Variants in PDE1A observed in about 807,000 individuals in gnomAD.
The protein encoded by PDE1A is dual specificity calcium/calmodulin-dependent 3',5'-cyclic nucleotide phosphodiesterase 1A.
In PDE1A, 35 loss-of-function variants were observed where a neutral mutation model predicts 61.7. That is an observed-to-expected ratio of 0.57 (90% CI 0.43 to 0.75). PDE1A has a LOEUF of 0.75. Among genes scored for constraint, PDE1A ranks in the 30% least tolerant of loss-of-function variants. The pLI, the probability that PDE1A is intolerant of heterozygous loss-of-function variation, is 0.00. For synonymous variants in PDE1A, 232 were observed against 213.2 expected, an observed-to-expected ratio of 1.09 and a Z score of -0.77; for missense variants, 597 against 630.6, an observed-to-expected ratio of 0.95 and a Z score of 0.57.
the PDE1A span, among the ~76,000 whole-genome samples, chr2:182,623,974 A>G: frequency 5.3e-5 from 8 of 152,038 alleles, no homozygotes; most frequent in East Asian, 1.4e-3. Flanking sequence ...AAATACAAAA[A>G]ATTAGCCGGG....
chr2:182,390,858 C>T (rs1224121650), intron 1 of PDE1A, among the ~76,000 whole-genome samples: 2 of 152,200 alleles, frequency 1.3e-5, no homozygotes, highest in Non-Finnish European at 2.9e-5. Context: ...GCCTTCTCAC[C>T]TTTCTCTGAG....
chr2:182,348,817 A>G (rs929306559), intron 1 of PDE1A, among the ~76,000 whole-genome samples: 2 of 151,668 alleles, frequency 1.3e-5, no homozygotes, highest in African/African-American at 4.8e-5. Flanking sequence ...CTTATTCTAA[A>G]TTTTTAGTTC....
intron 1 of PDE1A, among the ~76,000 whole-genome samples, chr2:182,286,187 A>G (rs571054680): frequency 6.6e-6 from 1 of 152,232 alleles, no homozygotes; most frequent in African/African-American, 2.4e-5. Context: ...CGAGAGCTCA[A>G]AATCAACAGG....
the PDE1A span, among the ~76,000 whole-genome samples, chr2:182,588,666 G>T: frequency 6.6e-6 from 1 of 152,116 alleles, no homozygotes; most frequent in Non-Finnish European, 1.5e-5. Flanking sequence ...ATTAAAGAAG[G>T]TTAGAACTGA....
In PDE1A at chr2:182,205,864, T is replaced by C. The variant is rs954570718; in HGVS notation, c.902+76A>G. The C allele has an allele frequency of 6.0e-4, 810 of 1,354,440 alleles. 16 individuals carry two copies. The highest frequency in any genetic ancestry group is 1.2e-4 in the Non-Finnish European group (114 of 979,446). 83.9% of individuals were successfully genotyped at this position (1,354,440 alleles called of 1,614,324 possible). ...TTGGGGAATGCATCGACTTTCATCT[T>C]TTTTCTTGACTTTAAATCGCATAAT... On this transcript the variant is annotated intron_variant, in intron 8 of 13. Coordinates refer to ENST00000351439, the Ensembl canonical transcript of PDE1A.
intron 2 of PDE1A, among the ~76,000 whole-genome samples, chr2:182,516,633 T>C (rs1690167146): frequency 7.0e-6 from 1 of 141,888 alleles, no homozygotes; most frequent in Admixed American, 7.4e-5. Flanking sequence ...AGTGAGATCC[T>C]ATCTGAAAAA....
chr2:182,324,217 C>T (rs1192760249), intron 1 of PDE1A, among the ~76,000 whole-genome samples: 3 of 151,918 alleles, frequency 2.0e-5, no homozygotes, highest in Non-Finnish European at 4.4e-5. Flanking sequence ...GGGGATAATA[C>T]TAACGGTTCT....
chr2:182,712,754 C>T, the PDE1A span, among the ~76,000 whole-genome samples: 5 of 152,032 alleles, frequency 3.3e-5, no homozygotes, highest in African/African-American at 1.2e-4. Context: ...GATGGGGTTT[C>T]ACTGTGTTAG....
At chr2:182,285,387 C>A (rs1694088098) in intron 1 of PDE1A, among the ~76,000 whole-genome samples, 1 of 152,032 alleles carries the variant, frequency 6.6e-6, no homozygotes, top group African/African-American at 2.4e-5. Flanking sequence ...TGAACCGACC[C>A]TTATTTGTAC....
At chr2:182,260,902 C>T (rs575142936) in intron 2 of PDE1A, among the ~76,000 whole-genome samples, 5 of 152,258 alleles carry the variant, frequency 3.3e-5, no homozygotes, top group Non-Finnish European at 5.9e-5. Context: ...ACTGCCAAGG[C>T]CCTAATCCAA....
intron 7 of PDE1A, among the ~76,000 whole-genome samples, chr2:182,217,844 T>A (rs1177352863): frequency 6.6e-6 from 1 of 151,852 alleles, no homozygotes; most frequent in Non-Finnish European, 1.5e-5. Flanking sequence ...GTTCAACCAT[T>A]GTGGAATTCA....
rs113647620 is a variant in PDE1A at position 182,168,500 on chromosome 2, C to T, written c.1517-210G>A. On this transcript the variant is annotated intron_variant, in intron 13 of 13. Coordinates refer to ENST00000351439, the Ensembl canonical transcript of PDE1A. ...AAACTTTTGTGATTCTTGTATTCAT[C>T]AGTGGTGATCTTAAGATGATTCATT... Among the ~76,000 whole-genome samples, 265 of 152,116 alleles carry T rather than the reference C, an allele frequency of 1.7e-3. 2 individuals are homozygous for T. Among genetic ancestry groups the T allele is most frequent in the Middle Eastern group, 0.014 (4 of 294 alleles).
the PDE1A span, among the ~76,000 whole-genome samples, chr2:182,575,307 G>C: frequency 6.6e-6 from 1 of 151,922 alleles, no homozygotes; most frequent in African/African-American, 2.4e-5. Flanking sequence ...CCTCCATTGT[G>C]GAGGAGTACA....
At chr2:182,177,363 A>C (rs377697409) in intron 13 of PDE1A, among the ~76,000 whole-genome samples, 39 of 151,670 alleles carry the variant, frequency 2.6e-4, no homozygotes, top group Middle Eastern at 6.8e-3. Context: ...ACAATTTCAG[A>C]TCCTGTTATT....
chr2:182,163,603 G>A (rs890086285), downstream of PDE1A, among the ~76,000 whole-genome samples: 5 of 152,168 alleles, frequency 3.3e-5, no homozygotes, highest in Admixed American at 6.6e-5. Context: ...CAGTGGTGCA[G>A]GGCCTGTGGA....
the PDE1A span, among the ~76,000 whole-genome samples, chr2:182,658,771 T>A: frequency 6.6e-6 from 1 of 152,228 alleles, no homozygotes; most frequent in Non-Finnish European, 1.5e-5. Flanking sequence ...ATTCAACATT[T>A]TATCAGTTCA....
the PDE1A span, among the ~76,000 whole-genome samples, chr2:182,538,309 TCTTG>T: frequency 6.6e-6 from 1 of 152,166 alleles, no homozygotes. Flanking sequence ...ACTGTGCCTC[TCTTG>T]CTTTTTGATA....
At chr2:182,290,873 T>C (rs1275055783) in intron 1 of PDE1A, among the ~76,000 whole-genome samples, 1 of 151,912 alleles carries the variant, frequency 6.6e-6, no homozygotes, top group African/African-American at 2.4e-5. Flanking sequence ...CAGCTGGAGC[T>C]CATGAACTTT....
the PDE1A span, among the ~76,000 whole-genome samples, chr2:182,690,309 G>C: frequency 4.2e-4 from 64 of 152,056 alleles, no homozygotes; most frequent in South Asian, 2.1e-4. Flanking sequence ...AATCCAGCAC[G>C]ACATCAAAAA....
Sources: allele counts gnomAD v4.1 joint callset (sites outside exome capture counted in the v4.1 genomes callset), GRCh38; gene constraint gnomAD v4.1.1; transcripts MANE v1.5; gene names NCBI Gene and HGNC (gene_info 2026-07-23, HGNC 2026-07-21).